ARL5C: variants seen among roughly 807,000 people sequenced by gnomAD.
ARL5C encodes ARF like GTPase 5C.
ARL5C carries 21 observed loss-of-function variants against 20.8 expected under a neutral mutation model. The ratio of observed to expected loss-of-function variants is 1.01; its 90% CI spans 0.72 to 1.46. ARL5C has a LOEUF of 1.46. ARL5C is among the 40% of genes most tolerant of loss of function. The pLI, the probability that ARL5C is intolerant of heterozygous loss-of-function variation, is 0.00. For synonymous variants in ARL5C, 71 were observed against 81.6 expected (o/e 0.87, Z 0.70); for missense variants, 199 against 225.1 (o/e 0.88, Z 0.74).
intron 3 of ARL5C, among the ~76,000 whole-genome samples, chr17:39,161,806 A>G (rs1222056879): frequency 6.6e-6 from 1 of 152,124 alleles, no homozygotes; most frequent in Non-Finnish European, 1.5e-5. Context: ...GTGTGCTGCC[A>G]CACCTGGCCT....
intron 5 of ARL5C, among the ~76,000 whole-genome samples, chr17:39,159,019 C>CTTTTTTT (rs1395516312): frequency 1.6e-5 from 1 of 63,958 alleles, no homozygotes; most frequent in Admixed American, 1.7e-4. Context: ...TCATTTATCA[C>CTTTTTTT]TTGTTTTTTT....
Position 39,161,257 on chromosome 17 carries a change from A to G in ARL5C, c.339+11T>C. 1.9e-6 allele frequency: 3 copies of G among 1,551,600 alleles called. No homozygotes were observed. Among genetic ancestry groups the G allele is most frequent in the Non-Finnish European group, 2.6e-6 (3 of 1,146,806 alleles). On this transcript the variant is annotated intron_variant, in intron 4 of 5. Coordinates refer to ENST00000269586, the MANE Select transcript of ARL5C (RefSeq NM_001143968.1). ...TACCACTGGGCCCTCTCCCAACTGC[A>G]GGGGGCTTACCTCATGGGCCAGCAT... is the stretch of plus-strand genomic sequence containing the variant.
chr17:39,163,885 C>T (rs2045449976), intron 2 of ARL5C, among the ~76,000 whole-genome samples: 1 of 151,788 alleles, frequency 6.6e-6, no homozygotes, highest in Admixed American at 6.6e-5. Flanking sequence ...CTTCCTCAGC[C>T]TCCAGAGTAG....
At chr17:39,163,142 T>C (rs985093317) in intron 2 of ARL5C, among the ~76,000 whole-genome samples, 2 of 152,184 alleles carry the variant, frequency 1.3e-5, no homozygotes, top group Non-Finnish European at 2.9e-5. Context: ...GGTCTCACTG[T>C]GTTGCCCAGG....
intron 5 of ARL5C, among the ~76,000 whole-genome samples, chr17:39,159,019 C>CTTTTTTTTTTTTTTTTTTTTT (rs1395516312): frequency 1.6e-5 from 1 of 63,960 alleles, no homozygotes; most frequent in African/African-American, 5.6e-5. Context: ...TCATTTATCA[C>CTTTTTTTTTTTTTTTTTTTTT]TTGTTTTTTT....
At chr17:39,164,862 G>A (rs1052730257) in intron 2 of ARL5C, 7 of 479,114 alleles carry the variant, frequency 1.5e-5, no homozygotes, top group South Asian at 9.0e-5. Context: ...GAAGATGGAG[G>A]AAAGCAGTGG....
At chr17:39,157,991 G>A (rs1188149185) in intron 5 of ARL5C, among the ~76,000 whole-genome samples, 4 of 151,996 alleles carry the variant, frequency 2.6e-5, no homozygotes, top group African/African-American at 4.8e-5. Context: ...CCGGCTACTC[G>A]GGAGGCTGAG....
At chr17:39,160,958 G>A (rs750409) in intron 4 of ARL5C, among the ~76,000 whole-genome samples, 9,659 of 152,284 alleles carry the variant, frequency 0.063, 390 homozygotes, top group Middle Eastern at 0.14. Context: ...TCCCATAGGT[G>A]GGAATTGATG....
chr17:39,161,058 G>A (rs762407912), intron 4 of ARL5C, among the ~76,000 whole-genome samples: 4 of 152,242 alleles, frequency 2.6e-5, no homozygotes, highest in Admixed American at 6.5e-5. Flanking sequence ...GATGGAGTTA[G>A]AACTTGAACC....
Position 39,161,269 on chromosome 17 carries a change from TC to T in ARL5C, c.337del (p.Glu113ArgfsTer9). 1 of 1,551,746 alleles carries T rather than the reference TC, an allele frequency of 6.4e-7. No homozygotes were observed. The highest frequency in any genetic ancestry group is 8.7e-7 in the Non-Finnish European group (1 of 1,146,944). The part of the protein sequence containing the change: ...REELYKMLAH[E>X]ALQDASVLIF... The stretch of plus-strand genomic sequence containing the variant: ...CTCTCCCAACTGCAGGGGGCTTACC[TC>T]ATGGGCCAGCATTTTATATAGCTCC... On this transcript the variant is annotated frameshift_variant and splice_region_variant, in exon 4 of 6. Coordinates refer to ENST00000269586, the MANE Select transcript of ARL5C (RefSeq NM_001143968.1). LOFTEE classifies it high-confidence loss of function.
intron 5 of ARL5C, among the ~76,000 whole-genome samples, chr17:39,158,456 T>G (rs933550954): frequency 2.6e-5 from 4 of 151,630 alleles, no homozygotes; most frequent in African/African-American, 9.7e-5. Flanking sequence ...TCTACAAAAA[T>G]ACAAAAATTA....
At chr17:39,165,419 A>C (rs16526) in intron 1 of ARL5C, 56,449 of 588,942 alleles carry the variant, frequency 0.096, 8,890 homozygotes, top group African/African-American at 0.54. Flanking sequence ...GAGAAAGAGC[A>C]TAACGCGAAG....
chr17:39,159,085 G>A (rs1422638362), intron 5 of ARL5C, among the ~76,000 whole-genome samples: 1 of 122,072 alleles, frequency 8.2e-6, no homozygotes, highest in African/African-American at 3.2e-5. Flanking sequence ...AGACTGGAGT[G>A]CAGCAACATG....
At chr17:39,158,096 G>A (rs377602280) in intron 5 of ARL5C, among the ~76,000 whole-genome samples, 6 of 129,892 alleles carry the variant, frequency 4.6e-5, no homozygotes, top group Non-Finnish European at 8.0e-5. Flanking sequence ...AGTGGCCGTC[G>A]AAGAAAGGGA....
rs1314480956 is a variant in ARL5C at position 39,160,692 on chromosome 17, C to T, written c.390G>A (p.Lys130=). The T allele has an allele frequency of 3.2e-6, 5 of 1,551,884 alleles. No homozygotes were observed. The highest frequency in any genetic ancestry group is 4.4e-6 in the Non-Finnish European group (5 of 1,147,002). The change falls in exon 5 of 6, where the codon AAG becomes AAA. Residue 130 remains lysine (K), a synonymous_variant. Transcript: ENST00000269586. The part of the protein sequence containing the change: ...VLIFANKQDV[K]DSMRMVEISH... ...AGATCTCCACCATCCTCATGGAGTC[C>T]TTCACGTCCTGCTTATTGGCAAATA...
intron 1 of ARL5C, 98 bp downstream of exon 1, chr17:39,165,617 G>A: frequency 6.7e-7 from 1 of 1,483,542 alleles, no homozygotes; most frequent in Non-Finnish European, 9.2e-7. Flanking sequence ...ACGACCCTCG[G>A]AGCCCGAGGT....
intron 2 of ARL5C, chr17:39,164,078 G>A (rs1393499360): frequency 1.3e-5 from 2 of 151,806 alleles, no homozygotes; most frequent in Non-Finnish European, 2.9e-5. Context: ...CTTTGTTGTT[G>A]TTGTTGTTGT....
At chr17:39,160,539 T>C in intron 5 of ARL5C, 52 bp downstream of exon 5, 1 of 1,539,914 alleles carries the variant, frequency 6.5e-7, no homozygotes. Context: ...TGATGGTCAG[T>C]CATCCATTGG....
intron 1 of ARL5C, 87 bp downstream of exon 1, chr17:39,165,628 C>T (rs2045459148): frequency 1.3e-6 from 2 of 1,504,900 alleles, no homozygotes; most frequent in Non-Finnish European, 1.8e-6. Context: ...AGCCCGAGGT[C>T]CCCCCGTGCG....
Sources: allele counts gnomAD v4.1 joint callset (sites outside exome capture counted in the v4.1 genomes callset), GRCh38; gene constraint gnomAD v4.1.1; transcripts MANE v1.5; gene names NCBI Gene and HGNC (gene_info 2026-07-23, HGNC 2026-07-21).